Variants in SNX25 observed in about 807,000 individuals in gnomAD.
SNX25 encodes the protein sorting nexin 25.
In SNX25, 62 loss-of-function variants were observed where a neutral mutation model predicts 113.7. That is an observed-to-expected ratio of 0.55 (90% CI 0.44 to 0.67). SNX25 has a LOEUF of 0.67. SNX25 is among the 30% of genes least tolerant of loss of function. SNX25 has a pLI of 0.00. For synonymous variants in SNX25, 421 were observed against 436.2 expected (o/e 0.97, Z 0.43); for missense variants, 1,014 against 1,161.0 (o/e 0.87, Z 1.84).
At chr4:185,229,945 C>T (rs3108250) in intron 1 of SNX25, among the ~76,000 whole-genome samples, 19,329 of 152,114 alleles carry the variant, frequency 0.13, 1,320 homozygotes, top group African/African-American at 0.16. Context: ...CCTCCCACCT[C>T]AGCCTCCTGA....
At chr4:185,230,977 A>G (rs1741746591) in intron 1 of SNX25, among the ~76,000 whole-genome samples, 1 of 152,150 alleles carries the variant, frequency 6.6e-6, no homozygotes, top group Non-Finnish European at 1.5e-5. Flanking sequence ...AAACTAAGTC[A>G]TGTCTAATAT....
At chr4:185,346,895 TG>T (rs1455988733) in intron 13 of SNX25, among the ~76,000 whole-genome samples, 4 of 152,246 alleles carry the variant, frequency 2.6e-5, no homozygotes, top group Admixed American at 6.5e-5. Context: ...TCCAATGCAC[TG>T]GTTATCACCA....
At chr4:185,235,540 C>T (rs1412339507) in intron 1 of SNX25, among the ~76,000 whole-genome samples, 1 of 152,206 alleles carries the variant, frequency 6.6e-6, no homozygotes, top group Non-Finnish European at 1.5e-5. Flanking sequence ...GCTGAGAGTA[C>T]CTCACCTCCC....
At chr4:185,362,739 C>A in intron 18 of SNX25, 28 bp downstream of exon 18, 1 of 1,569,776 alleles carries the variant, frequency 6.4e-7, no homozygotes, top group South Asian at 1.1e-5. Context: ...CAGGGGGTTT[C>A]CTGCTTTATT....
intron 6 of SNX25, among the ~76,000 whole-genome samples, chr4:185,310,230 G>C (rs905618818): frequency 6.6e-6 from 1 of 152,158 alleles, no homozygotes; most frequent in Middle Eastern, 3.2e-3. Context: ...AAGTCCATGA[G>C]AGCCAACAAT....
At chr4:185,376,096 T>C in the SNX25 span, among the ~76,000 whole-genome samples, 1 of 152,116 alleles carries the variant, frequency 6.6e-6, no homozygotes, top group Non-Finnish European at 1.5e-5. Flanking sequence ...GAAACTACAT[T>C]ACTGAAGTTG....
intron 6 of SNX25, among the ~76,000 whole-genome samples, chr4:185,290,434 C>T (rs536284097): frequency 2.0e-5 from 3 of 152,270 alleles, no homozygotes; most frequent in African/African-American, 7.2e-5. Context: ...AGCCGTTTTG[C>T]CTGGGACAGG....
In SNX25 at chr4:185,363,582, C is replaced by T. The variant is rs2095376247; in HGVS notation, c.*117C>T. The T allele has an allele frequency of 2.2e-6, 2 of 906,570 alleles. No individual in the cohort carries two copies. Among genetic ancestry groups the T allele is most frequent in the South Asian group, 3.3e-5 (2 of 60,238 alleles). The allele number at this position is 906,570 out of a possible 1,614,324, so 56.2% of individuals were successfully genotyped here. A position where few individuals can be genotyped will look rare whatever the true frequency, so the allele number is the denominator to read the frequency against. On this transcript the variant is annotated 3_prime_UTR_variant, in exon 19 of 19. Coordinates refer to ENST00000652585, the MANE Select transcript of SNX25 (RefSeq NM_001378034.2). This position sits in a 1 kb window ranked among gnomAD's most constrained non-coding sequence, Gnocchi z 4.2. Reference sequence around the variant, plus strand: ...TATTGATTTTTATTTTAGTTACCTCCCTCTAGTTTTATGTGAAATTAGTAG... The same window carrying T: ...TATTGATTTTTATTTTAGTTACCTCTCTCTAGTTTTATGTGAAATTAGTAG...
At chr4:185,307,916 A>G (rs1304147948) in intron 6 of SNX25, among the ~76,000 whole-genome samples, 2 of 152,118 alleles carry the variant, frequency 1.3e-5, no homozygotes, top group Non-Finnish European at 2.9e-5. Flanking sequence ...TGCCACACCT[A>G]GCTAAGTTTT....
intron 14 of SNX25, 90 bp downstream of exon 14, chr4:185,351,699 T>G (rs2095315659): frequency 7.5e-7 from 1 of 1,341,244 alleles, no homozygotes; most frequent in Admixed American, 2.1e-5. Context: ...AATCCCTCTA[T>G]TTTCAGTCAT....
chr4:185,224,909 C>T (rs913067969), intron 1 of SNX25, among the ~76,000 whole-genome samples: 1 of 151,556 alleles, frequency 6.6e-6, no homozygotes, highest in African/African-American at 2.4e-5. Flanking sequence ...CTGGAATTAA[C>T]CATTTCTCCA....
chr4:185,217,876 A>C (rs1739125931), intron 1 of SNX25, among the ~76,000 whole-genome samples: 1 of 152,224 alleles, frequency 6.6e-6, no homozygotes, highest in Non-Finnish European at 1.5e-5. Flanking sequence ...CAGCATTTTT[A>C]ACATTGCAAC....
At chr4:185,362,837 CTTTTTTTTTT>C (rs35348535) in intron 18 of SNX25, 126 bp downstream of exon 18, 3 of 248,960 alleles carry the variant, frequency 1.2e-5, no homozygotes, top group South Asian at 5.3e-5. Context: ...TCTCCCTTGA[CTTTTTTTTTT>C]TTTTTTTTTT....
intron 7 of SNX25, 91 bp downstream of exon 7, chr4:185,310,907 T>G: frequency 8.0e-7 from 1 of 1,251,956 alleles, no homozygotes. Context: ...TTTTTAGTAT[T>G]GAACTTAGAC....
chr4:185,260,971 G>A (rs1447638254), intron 3 of SNX25, among the ~76,000 whole-genome samples: 1 of 152,142 alleles, frequency 6.6e-6, no homozygotes, highest in African/African-American at 2.4e-5. Flanking sequence ...AATTTGCTGT[G>A]CTATCCGTTA....
chr4:185,373,441 G>C (rs1299297789), downstream of SNX25, among the ~76,000 whole-genome samples: 1 of 152,202 alleles, frequency 6.6e-6, no homozygotes. Flanking sequence ...GGAAACCACT[G>C]ATGCTAAGGG....
chr4:185,213,387 G>A (rs1738245735), intron 1 of SNX25, among the ~76,000 whole-genome samples: 1 of 152,152 alleles, frequency 6.6e-6, no homozygotes, highest in Admixed American at 6.5e-5. Context: ...AGACTTCCGT[G>A]GTATCTTCAG....
At chr4:185,271,172 T>C (rs1748871946) in intron 5 of SNX25, among the ~76,000 whole-genome samples, 1 of 152,226 alleles carries the variant, frequency 6.6e-6, no homozygotes, top group South Asian at 2.1e-4. Context: ...TATATTCCTC[T>C]GTCTTCCTTC....
chr4:185,258,856 T>C lies in SNX25; in HGVS notation c.523T>C (p.Tyr175His). 3.1e-6 allele frequency: 5 copies of C among 1,610,178 alleles called. No homozygotes were observed. Among genetic ancestry groups the C allele is most frequent in the Non-Finnish European group, 4.2e-6 (5 of 1,176,632 alleles). The change falls in exon 3 of 19, where the codon TAC (tyrosine) becomes CAC (histidine). Residue 175 changes from tyrosine to histidine, a missense_variant. Physicochemically the swap from Tyr to His is moderately conservative, Grantham distance 83. Transcript: ENST00000652585. ...TTGTTTATTCCTGGTAGTGTTCGACTACAGTTATAGAGATTACATTCTGTC... is the reference window on the plus strand; with the variant it reads ...TTGTTTATTCCTGGTAGTGTTCGACCACAGTTATAGAGATTACATTCTGTC... The part of the protein sequence containing the change: ...MDKALKEVFD[Y>H]SYRDYILSWY...
Sources: gnomAD v4.1 joint callset for allele counts (sites outside exome capture counted in the v4.1 genomes callset) on GRCh38, gnomAD v4.1.1 for gene constraint, Gnocchi (gnomAD v3.1) non-coding constraint, MANE v1.5 for transcripts, NCBI Gene and HGNC (gene_info 2026-07-23, HGNC 2026-07-21) for gene names.